Variants in CCDC170 observed in about 807,000 individuals in gnomAD.
CCDC170 encodes the protein coiled-coil domain-containing protein 170.
Under a neutral mutation model 72.6 loss-of-function variants are expected in CCDC170, and 69 were observed. The observed-to-expected ratio is 0.95, with a 90% CI of 0.78 to 1.16. The LOEUF (loss-of-function observed/expected upper bound fraction) is 1.16. Among genes scored for constraint, CCDC170 ranks in the 50% most tolerant of loss-of-function variants. The pLI is 0.00. For missense variants in CCDC170, 852 were observed against 832.5 expected, an observed-to-expected ratio of 1.02 and a Z score of -0.29; for synonymous variants, 300 against 303.9, an observed-to-expected ratio of 0.99 and a Z score of 0.13.
chr6:151,614,710 T>C (rs1347864685), intron 9 of CCDC170, among the ~76,000 whole-genome samples: 3 of 151,882 alleles, frequency 2.0e-5, no homozygotes, highest in African/African-American at 7.3e-5. Context: ...CCTCAGGTGA[T>C]CTGGCCGGCT....
chr6:151,599,698 A>G (rs934628804), intron 9 of CCDC170, among the ~76,000 whole-genome samples: 6 of 152,192 alleles, frequency 3.9e-5, no homozygotes, highest in Non-Finnish European at 8.8e-5. Flanking sequence ...GTGGTCAACT[A>G]TACCAAGTAC....
Position 151,494,168 on chromosome 6 carries a change from G to A in CCDC170, c.40G>A (p.Ala14Thr). ...CACCAGCCATATCGCGCTGGGTGCCGCTTCGCCAGCGCCCGAGGTACGGTC... is the reference window on the plus strand; with the variant it reads ...CACCAGCCATATCGCGCTGGGTGCCACTTCGCCAGCGCCCGAGGTACGGTC... The part of the protein sequence containing the change: ...DCTSHIALGA[A>T]SPAPEETYDH... The change falls in exon 1 of 11, where the codon GCT becomes ACT. Residue 14 changes from alanine to threonine, a missense_variant. Coordinates refer to ENST00000239374, the MANE Select transcript of CCDC170 (RefSeq NM_025059.4). The A allele has an allele frequency of 6.6e-7, 1 of 1,520,364 alleles. No individual in the cohort carries two copies. 94.2% of individuals were successfully genotyped at this position (1,520,364 alleles called of 1,614,324 possible).
At chr6:151,518,979 G>A (rs940504849) in intron 1 of CCDC170, among the ~76,000 whole-genome samples, 4 of 152,172 alleles carry the variant, frequency 2.6e-5, no homozygotes, top group Admixed American at 1.3e-4. Context: ...GGCAAAGGGC[G>A]AAATCAAAAA....
rs758475601 is a variant in CCDC170 at position 151,596,405 on chromosome 6, A to G, written c.1538A>G (p.Gln513Arg). The G allele has an allele frequency of 6.2e-7, 1 of 1,614,160 alleles. No individual in the cohort carries two copies. Among genetic ancestry groups the G allele is most frequent in the East Asian group, 2.2e-5 (1 of 44,878 alleles). The stretch of plus-strand genomic sequence containing the variant: ...AGCCTCCTCCGGCAGAAAATAGCCC[A>G]GCTGGAGGAGGAGAAGCAGGCACGC... ...HMSLLRQKIA[Q>R]LEEEKQARTA... The change falls in exon 9 of 11, where the codon CAG becomes CGG. Residue 513 changes from glutamine (Q) to arginine (R), a missense_variant. By Grantham distance (43) the Gln-to-Arg change is conservative. Transcript: ENST00000239374.
chr6:151,592,858 A>G (rs76644898), intron 7 of CCDC170, among the ~76,000 whole-genome samples: 2,587 of 152,314 alleles, frequency 0.017, 57 homozygotes, highest in African/African-American at 0.051. Flanking sequence ...AGAAAAGTAT[A>G]TAATATTCGA....
At chr6:151,542,347 T>G (rs916144015) in intron 3 of CCDC170, among the ~76,000 whole-genome samples, 1 of 152,100 alleles carries the variant, frequency 6.6e-6, no homozygotes, top group African/African-American at 2.4e-5. Flanking sequence ...TAGCCTCTTT[T>G]GTAGCTGAGA....
intron 5 of CCDC170, among the ~76,000 whole-genome samples, chr6:151,565,514 C>T (rs1338372437): frequency 1.3e-5 from 2 of 152,214 alleles, no homozygotes; most frequent in African/African-American, 4.8e-5. Context: ...CTTCTCTTTC[C>T]TCCCCTTCCT....
chr6:151,548,354 TC>T lies in CCDC170; in HGVS notation c.640del (p.Glu215LysfsTer4). ...AATTCGTGAAAGGACAAATTGTTAT[TC>T]TTGAAGAGACTATAAATGTCCATGA... ...NEFVKGQIVI[L>X]EETINVHEME... On this transcript the variant is annotated frameshift_variant, in exon 5 of 11. Coordinates refer to ENST00000239374, the MANE Select transcript of CCDC170 (RefSeq NM_025059.4). LOFTEE classifies it high-confidence loss of function. The T allele has an allele frequency of 6.2e-7, 1 of 1,607,528 alleles. No homozygotes were observed. The highest frequency in any genetic ancestry group is 1.1e-5 in the South Asian group (1 of 90,070).
At position 151,519,687 on chromosome 6, in the gene CCDC170, C is replaced by T. The variant is rs368025480; in HGVS notation, c.58-16631C>T. 2.3e-3 allele frequency among the ~76,000 whole-genome samples: 344 copies of T among 152,282 alleles called. 1 individual carries two copies. The highest frequency in any genetic ancestry group is 7.4e-3 in the African/African-American group (306 of 41,560). On this transcript the variant is annotated intron_variant, in intron 1 of 10. Coordinates refer to ENST00000239374, the MANE Select transcript of CCDC170 (RefSeq NM_025059.4). ...CCAGCCGGTCCCTCCGTTCGGGGTT[C>T]CTGACTTCCCGCAACATATATTATT...
intron 9 of CCDC170, among the ~76,000 whole-genome samples, chr6:151,607,137 T>A (rs965602177): frequency 2.6e-5 from 4 of 152,124 alleles, no homozygotes; most frequent in African/African-American, 9.7e-5. Context: ...CATTTTGTTG[T>A]TTGTTTGTGG....
At chr6:151,612,212 C>T (rs1229495640) in intron 9 of CCDC170, among the ~76,000 whole-genome samples, 1 of 152,104 alleles carries the variant, frequency 6.6e-6, no homozygotes, top group African/African-American at 2.4e-5. Flanking sequence ...ATAGTGAGAG[C>T]CTTCAGAGTG....
rs908794804 is a variant in CCDC170 at position 151,619,530 on chromosome 6, G to A, written c.*1383G>A. Reference sequence around the variant, plus strand: ...AAGAAGCTCTAGCATGAAATTAAAGGAAAGGGAAAGAAATAGATCTGGTGC... The same window carrying A: ...AAGAAGCTCTAGCATGAAATTAAAGAAAAGGGAAAGAAATAGATCTGGTGC... On this transcript the variant is annotated 3_prime_UTR_variant, in exon 11 of 11. Transcript: ENST00000239374. 1 of 152,076 alleles carries A rather than the reference G, an allele frequency of 6.6e-6. No individual in the cohort carries two copies. The highest frequency in any genetic ancestry group is 2.4e-5 in the African/African-American group (1 of 41,404). 9.4% of individuals were successfully genotyped at this position (152,076 alleles called of 1,614,324 possible). A position where few individuals can be genotyped will look rare whatever the true frequency, so the allele number is the denominator to read the frequency against.
chr6:151,549,310 A>G (rs963885260), intron 5 of CCDC170, among the ~76,000 whole-genome samples: 2 of 152,090 alleles, frequency 1.3e-5, no homozygotes, highest in Non-Finnish European at 2.9e-5. Context: ...TGCTGGAATT[A>G]CAGGTGTGAG....
intron 7 of CCDC170, among the ~76,000 whole-genome samples, chr6:151,589,924 G>T (rs937905988): frequency 2.0e-5 from 3 of 152,110 alleles, no homozygotes; most frequent in Non-Finnish European, 4.4e-5. Flanking sequence ...CCCTGGTGGG[G>T]TCTGCGGTGA....
intron 10 of CCDC170, among the ~76,000 whole-genome samples, chr6:151,617,101 T>G (rs983109804): frequency 1.3e-5 from 2 of 152,178 alleles, no homozygotes; most frequent in Non-Finnish European, 2.9e-5. Context: ...GTAACTGTAT[T>G]CAGTTTGGAT....
chr6:151,581,497 C>T (rs993348269), intron 6 of CCDC170, among the ~76,000 whole-genome samples: 2 of 152,144 alleles, frequency 1.3e-5, no homozygotes, highest in Non-Finnish European at 2.9e-5. Flanking sequence ...TTGCTATTTC[C>T]ACCACATCTG....
At chr6:151,498,596 A>G (rs1781943042) in intron 1 of CCDC170, among the ~76,000 whole-genome samples, 1 of 152,160 alleles carries the variant, frequency 6.6e-6, no homozygotes, top group Non-Finnish European at 1.5e-5. Flanking sequence ...AACAACCACC[A>G]TTCTACTTTC....
chr6:151,511,002 C>G (rs1349552478), intron 1 of CCDC170, among the ~76,000 whole-genome samples: 1 of 152,124 alleles, frequency 6.6e-6, no homozygotes, highest in African/African-American at 2.4e-5. Flanking sequence ...TCCCAAAGTG[C>G]TGGGATTTCA....
In CCDC170 at chr6:151,554,472, C is replaced by T. The variant is rs149449864; in HGVS notation, c.774+5983C>T. On this transcript the variant is annotated intron_variant, in intron 5 of 10. Transcript: ENST00000239374. ...AGGTGCAGTGGCTCAAGCTTGTAATCCTAGCACTTTGGGAGGCCAAGGCAA... is the reference window on the plus strand; with the variant it reads ...AGGTGCAGTGGCTCAAGCTTGTAATTCTAGCACTTTGGGAGGCCAAGGCAA... Among the ~76,000 whole-genome samples, 1,277 of 152,192 alleles carry T rather than the reference C, an allele frequency of 8.4e-3. 15 individuals carry two copies. Among genetic ancestry groups the T allele is most frequent in the Middle Eastern group, 0.027 (8 of 294 alleles).
Sources: gnomAD v4.1 joint callset for allele counts (sites outside exome capture counted in the v4.1 genomes callset) on GRCh38, gnomAD v4.1.1 for gene constraint, MANE v1.5 for transcripts, NCBI Gene and HGNC (gene_info 2026-07-23, HGNC 2026-07-21) for gene names.